The following NFIL3 variants were observed in gnomAD, a reference collection of about 807,000 sequenced individuals.
NFIL3 encodes nuclear factor interleukin-3-regulated protein.
NFIL3 carries 5 observed loss-of-function variants against 10.0 expected under a neutral mutation model. That is an observed-to-expected ratio of 0.50 (90% CI 0.26 to 1.06). NFIL3 has a LOEUF of 1.06. NFIL3 is among the 50% of genes least tolerant of loss of function. NFIL3 has a pLI of 0.13. For missense variants in NFIL3, 436 were observed against 547.6 expected, an observed-to-expected ratio of 0.80 and a Z score of 2.03; for synonymous variants, 202 against 206.5, an observed-to-expected ratio of 0.98 and a Z score of 0.19.
At chr9:91,431,592 C>T in the NFIL3 span, among the ~76,000 whole-genome samples, 5 of 152,142 alleles carry the variant, frequency 3.3e-5, no homozygotes, top group Admixed American at 6.5e-5. Context: ...ATTCATCCCA[C>T]GAGAGAAAGC....
At chr9:91,433,892 A>G in the NFIL3 span, among the ~76,000 whole-genome samples, 1 of 152,076 alleles carries the variant, frequency 6.6e-6, no homozygotes. Flanking sequence ...TATTCACAAT[A>G]AGAAAAACTA....
chr9:91,413,146 T>C (rs1833587322), intron 1 of NFIL3, among the ~76,000 whole-genome samples: 1 of 152,240 alleles, frequency 6.6e-6, no homozygotes, highest in Admixed American at 6.5e-5. Context: ...TCTGTTTGTT[T>C]TTTGGTAATG....
the NFIL3 span, among the ~76,000 whole-genome samples, chr9:91,437,926 T>C: frequency 6.6e-6 from 1 of 152,242 alleles, no homozygotes; most frequent in African/African-American, 2.4e-5. Flanking sequence ...ACACACAGGT[T>C]GTTTCCATAT....
chr9:91,444,851 C>T, the NFIL3 span, among the ~76,000 whole-genome samples: 3 of 152,160 alleles, frequency 2.0e-5, no homozygotes, highest in Non-Finnish European at 4.4e-5. Flanking sequence ...GCTGAAGTGT[C>T]TTAGCTGAAG....
In NFIL3 at chr9:91,411,684, T is replaced by A. The variant is rs929366949; in HGVS notation, c.-172-778A>T. On this transcript the variant is annotated intron_variant, in intron 1 of 1. Coordinates refer to ENST00000297689, the MANE Select transcript of NFIL3 (RefSeq NM_005384.3). ...AGTTTAAGAGATTAGAATTTTTTTT[T>A]CTGATTCCTTTGAATTTGTTCTATC... Among the ~76,000 whole-genome samples, 3 of 152,342 alleles carry A rather than the reference T, an allele frequency of 2.0e-5. No individual in the cohort carries two copies. The East Asian group carries it at 5.8e-4, about 29-fold the overall frequency.
chr9:91,420,505 A>C (rs902184656), intron 1 of NFIL3, among the ~76,000 whole-genome samples: 1 of 152,132 alleles, frequency 6.6e-6, no homozygotes, highest in African/African-American at 2.4e-5. Context: ...AAATCAGGAC[A>C]GTGTTGGAAG....
the NFIL3 span, among the ~76,000 whole-genome samples, chr9:91,474,086 GT>G: frequency 1.7e-3 from 245 of 143,278 alleles, no homozygotes; most frequent in African/African-American, 2.9e-3. Flanking sequence ...TAGGGTTTTT[GT>G]TTTTTTTTTT....
chr9:91,482,592 C>G, the NFIL3 span, among the ~76,000 whole-genome samples: 1 of 152,032 alleles, frequency 6.6e-6, no homozygotes, highest in Non-Finnish European at 1.5e-5. Context: ...CTCTGCCTCC[C>G]GGGTTCAAGT....
intron 1 of NFIL3, among the ~76,000 whole-genome samples, chr9:91,418,792 TTTC>T (rs1281840094): frequency 6.6e-6 from 1 of 151,900 alleles, no homozygotes; most frequent in Non-Finnish European, 1.5e-5. Flanking sequence ...TCTAGTAAAC[TTTC>T]TTATCATAAA....
the NFIL3 span, among the ~76,000 whole-genome samples, chr9:91,444,411 T>C: frequency 6.6e-6 from 1 of 152,222 alleles, no homozygotes; most frequent in Admixed American, 6.5e-5. Context: ...TTTGAATTCT[T>C]TTTTAGGCAG....
chr9:91,460,081 CA>C, the NFIL3 span, among the ~76,000 whole-genome samples: 21,574 of 151,692 alleles, frequency 0.14, 2,439 homozygotes, highest in African/African-American at 0.31. Context: ...TTCTCCCCAG[CA>C]ACCTCTCTCC....
upstream of NFIL3, among the ~76,000 whole-genome samples, chr9:91,425,352 G>C (rs968821): frequency 0.44 from 66,832 of 151,998 alleles, 16,650 homozygotes; most frequent in African/African-American, 0.69. Context: ...TCATAATAAC[G>C]CAAGTCATAT....
chr9:91,446,549 A>C, the NFIL3 span, among the ~76,000 whole-genome samples: 5 of 152,176 alleles, frequency 3.3e-5, no homozygotes, highest in Non-Finnish European at 5.9e-5. Context: ...AACCATCATC[A>C]CTATTTCCAA....
At chr9:91,418,454 G>A (rs1030151979) in intron 1 of NFIL3, among the ~76,000 whole-genome samples, 4 of 152,210 alleles carry the variant, frequency 2.6e-5, no homozygotes, top group Non-Finnish European at 4.4e-5. Flanking sequence ...TAAGGGGACA[G>A]TCAGGCTGAG....
the NFIL3 span, among the ~76,000 whole-genome samples, chr9:91,476,582 AAAAC>A: frequency 1.3e-5 from 2 of 152,182 alleles, no homozygotes; most frequent in African/African-American, 4.8e-5. Context: ...AAAAAAAAAA[AAAAC>A]AATGTCCAAT....
the NFIL3 span, among the ~76,000 whole-genome samples, chr9:91,439,366 G>T: frequency 1.3e-5 from 2 of 151,908 alleles, no homozygotes; most frequent in South Asian, 4.2e-4. Flanking sequence ...TTTGAATCCT[G>T]CAACTTTACT....
At chr9:91,414,404 T>C (rs1833613497) in intron 1 of NFIL3, among the ~76,000 whole-genome samples, 1 of 152,160 alleles carries the variant, frequency 6.6e-6, no homozygotes, top group Non-Finnish European at 1.5e-5. Context: ...GGTTTCTCCA[T>C]GTTAGTAGAG....
the NFIL3 span, among the ~76,000 whole-genome samples, chr9:91,476,612 ATGCAAAG>A: frequency 6.6e-6 from 1 of 152,182 alleles, no homozygotes; most frequent in Non-Finnish European, 1.5e-5. Context: ...ATTTATGGAA[ATGCAAAG>A]TGTTTCAACC....
chr9:91,457,844 A>T, the NFIL3 span, among the ~76,000 whole-genome samples: 5 of 152,048 alleles, frequency 3.3e-5, no homozygotes, highest in Admixed American at 6.6e-5. Context: ...AGCAACTTTT[A>T]TTCCAAGTTT....
Sources: allele counts gnomAD v4.1 joint callset (sites outside exome capture counted in the v4.1 genomes callset), GRCh38; gene constraint gnomAD v4.1.1; transcripts MANE v1.5; gene names NCBI Gene and HGNC (gene_info 2026-07-23, HGNC 2026-07-21).